CERS6: variants seen among roughly 807,000 people sequenced by gnomAD.
The protein encoded by CERS6 is ceramide synthase 6.
A neutral mutation model predicts 56.8 loss-of-function variants in CERS6; 26 were observed. That is an observed-to-expected ratio of 0.46 (90% confidence interval 0.34 to 0.63). CERS6 has a LOEUF of 0.63. Among genes scored for constraint, CERS6 ranks in the 30% least tolerant of loss-of-function variants. The pLI is 0.01. For missense variants in CERS6, 415 were observed against 467.5 expected (o/e 0.89, Z 1.04); for synonymous variants, 164 against 173.3 (o/e 0.95, Z 0.42).
intron 8 of CERS6, among the ~76,000 whole-genome samples, chr2:168,738,780 C>T (rs1411972146): frequency 1.3e-5 from 2 of 152,214 alleles, no homozygotes; most frequent in African/African-American, 2.4e-5. Flanking sequence ...GCTCCAGAAG[C>T]TTGCAATCCA....
intron 1 of CERS6, among the ~76,000 whole-genome samples, chr2:168,528,414 C>T (rs1018164357): frequency 1.3e-5 from 2 of 152,206 alleles, no homozygotes; most frequent in Admixed American, 6.5e-5. Context: ...GTGGCTGTTC[C>T]TACCTCCTCT....
At chr2:168,627,300 T>C (rs797013129) in intron 3 of CERS6, among the ~76,000 whole-genome samples, 7 of 152,354 alleles carry the variant, frequency 4.6e-5, no homozygotes, top group African/African-American at 1.7e-4. Flanking sequence ...AACCATAGTC[T>C]TTTTATGCTA....
At chr2:168,594,717 T>C (rs1683755983) in intron 3 of CERS6, among the ~76,000 whole-genome samples, 2 of 152,230 alleles carry the variant, frequency 1.3e-5, no homozygotes, top group South Asian at 2.1e-4. Flanking sequence ...CAGGTCATGT[T>C]ATTACCATGA....
intron 3 of CERS6, among the ~76,000 whole-genome samples, chr2:168,574,119 C>A (rs771162853): frequency 6.6e-6 from 1 of 152,098 alleles, no homozygotes; most frequent in Non-Finnish European, 1.5e-5. Context: ...CCATTTTAGT[C>A]GGGGAAATGT....
chr2:168,486,518 G>GTTTTTTTTTTTTTTTTTTTTTTTTTTTT lies in CERS6; in HGVS notation c.170+29900_170+29901insTTTTTTTTTTTTTTTTTTTTTTTTTTTT. Among the ~76,000 whole-genome samples, 103 of 136,270 alleles carry GTTTTTTTTTTTTTTTTTTTTTTTTTTTT rather than the reference G, an allele frequency of 7.6e-4. 5 individuals are homozygous for GTTTTTTTTTTTTTTTTTTTTTTTTTTTT. Among genetic ancestry groups the GTTTTTTTTTTTTTTTTTTTTTTTTTTTT allele is most frequent in the East Asian group, 2.2e-3 (10 of 4,510 alleles). 89.4% of individuals were successfully genotyped at this position (136,270 alleles called of 152,430 possible). ...ATTTTTGTTAAAGGTGTCTAGATTT[G>GTTTTTTTTTTTTTTTTTTTTTTTTTTTT]GTTTTGTTTTTTTTTTTTTTGCCTA... On this transcript the variant is annotated intron_variant, in intron 1 of 9. Coordinates refer to ENST00000305747, the MANE Select transcript of CERS6 (RefSeq NM_203463.3).
chr2:168,698,255 G>GAAAAAAAAAAAAAAAAAA (rs869056813), intron 6 of CERS6, among the ~76,000 whole-genome samples: 1 of 17,942 alleles, frequency 5.6e-5, no homozygotes, highest in African/African-American at 8.2e-5. Context: ...AAAAAAAAAA[G>GAAAAAAAAAAAAAAAAAA]AAAAAAAAAA....
At position 168,716,561 on chromosome 2, in the gene CERS6, CGTAGA is replaced by C. The variant is rs551173221; in HGVS notation, c.739-1307_739-1303del. On this transcript the variant is annotated intron_variant, in intron 7 of 9. Transcript: ENST00000305747. ...CTTAAACATTATAAAGTAAATAACA[CGTAGA>C]GTATTCAATTAATGAGATAGGTCAC... Among the ~76,000 whole-genome samples, 345 of 152,194 alleles carry C rather than the reference CGTAGA, an allele frequency of 2.3e-3. 1 individual carries two copies. The highest frequency in any genetic ancestry group is 7.4e-3 in the African/African-American group (308 of 41,548).
chr2:168,743,162 ATGTATGTATGTG>A (rs1328372163), intron 8 of CERS6, among the ~76,000 whole-genome samples: 1 of 150,240 alleles, frequency 6.7e-6, no homozygotes, highest in Non-Finnish European at 1.5e-5. Context: ...ATATATATAT[ATGTATGTATGTG>A]TGTGTGTATG....
At chr2:168,688,574 T>TG (rs1376538097) in intron 4 of CERS6, among the ~76,000 whole-genome samples, 4 of 152,164 alleles carry the variant, frequency 2.6e-5, no homozygotes, top group Non-Finnish European at 4.4e-5. Context: ...TCACAGTGTT[T>TG]GGGGGGTATA....
intron 2 of CERS6, among the ~76,000 whole-genome samples, chr2:168,552,349 TACACACACACACACACACACAC>T (rs56340726): frequency 0.022 from 3,095 of 140,104 alleles, 118 homozygotes; most frequent in East Asian, 0.19. Flanking sequence ...ATACAGAGTA[TACACACACACACACACACACAC>T]ACACACACAC....
intron 1 of CERS6, among the ~76,000 whole-genome samples, chr2:168,482,266 C>T (rs1000299373): frequency 6.6e-6 from 1 of 152,214 alleles, no homozygotes; most frequent in African/African-American, 2.4e-5. Flanking sequence ...TTCCCATTTA[C>T]TAGCTGGATT....
rs78015077 is a variant in CERS6 at position 168,721,093 on chromosome 2, C to T, written c.845+3115C>T. 3.9e-5 allele frequency among the ~76,000 whole-genome samples: 6 copies of T among 152,262 alleles called. No homozygotes were observed. The East Asian group carries it at 9.6e-4, about 24-fold the overall frequency. The stretch of plus-strand genomic sequence containing the variant: ...GATGCTGCTGTAGACAAACCTATTG[C>T]GCTGCCAGTCACTCCTCATTCTTCC... On this transcript the variant is annotated intron_variant, in intron 8 of 9. Coordinates refer to ENST00000305747, the MANE Select transcript of CERS6 (RefSeq NM_203463.3).
intron 4 of CERS6, among the ~76,000 whole-genome samples, chr2:168,675,790 G>A (rs557814025): frequency 1.8e-4 from 27 of 151,828 alleles, no homozygotes; most frequent in Admixed American, 7.9e-4. Context: ...GGGTTCAAGC[G>A]GTTCTCTTGC....
chr2:168,534,983 G>A (rs1357846569), intron 1 of CERS6, among the ~76,000 whole-genome samples: 2 of 152,236 alleles, frequency 1.3e-5, no homozygotes, highest in Non-Finnish European at 2.9e-5. Flanking sequence ...GGCCTGAGGA[G>A]GCACTCTGGC....
At chr2:168,726,779 C>T (rs1044157285) in intron 8 of CERS6, among the ~76,000 whole-genome samples, 2 of 152,098 alleles carry the variant, frequency 1.3e-5, no homozygotes, top group African/African-American at 2.4e-5. Context: ...ATATAAATTC[C>T]CATTATAGCC....
Position 168,599,723 on chromosome 2 carries a change from TATCA to T in CERS6, c.408-31258_408-31255del, listed in dbSNP as rs534540710. 2.0e-3 allele frequency among the ~76,000 whole-genome samples: 307 copies of T among 152,350 alleles called. 2 individuals are homozygous for T. In the Middle Eastern group the frequency reaches 0.031, roughly 15 times the overall value. ...TTATATATATAGTTTGAGGACCATC[TATCA>T]ATCCTTCCAGGTTATAAAGCACCTA... On this transcript the variant is annotated intron_variant, in intron 3 of 9. Transcript: ENST00000305747.
At chr2:168,698,260 A>AAAAAAAAAAAAAAAAGAAAAAG (rs1686715814) in intron 6 of CERS6, among the ~76,000 whole-genome samples, 2 of 43,708 alleles carry the variant, frequency 4.6e-5, no homozygotes, top group Non-Finnish European at 7.5e-5. Context: ...AAAAAGAAAA[A>AAAAAAAAAAAAAAAAGAAAAAG]AAAAAAAAAA....
At chr2:168,680,669 C>T (rs966584957) in intron 4 of CERS6, among the ~76,000 whole-genome samples, 4 of 151,814 alleles carry the variant, frequency 2.6e-5, no homozygotes, top group African/African-American at 9.7e-5. Context: ...CATGAGAGCT[C>T]CTTCCTCCTT....
At chr2:168,752,860 T>TC (rs1684315552) in intron 8 of CERS6, among the ~76,000 whole-genome samples, 1 of 152,216 alleles carries the variant, frequency 6.6e-6, no homozygotes, top group Non-Finnish European at 1.5e-5. Context: ...TCTTACTTTT[T>TC]CCCATACATC....
Sources: gnomAD v4.1 joint callset for allele counts (sites outside exome capture counted in the v4.1 genomes callset) on GRCh38, gnomAD v4.1.1 for gene constraint, MANE v1.5 for transcripts, NCBI Gene and HGNC (gene_info 2026-07-23, HGNC 2026-07-21) for gene names.